PDE1C: variants seen among roughly 807,000 people sequenced by gnomAD.
PDE1C encodes the protein dual specificity calcium/calmodulin-dependent 3',5'-cyclic nucleotide phosphodiesterase 1C.
A neutral mutation model predicts 93.1 loss-of-function variants in PDE1C; 62 were observed. That is an observed-to-expected ratio of 0.67 (90% CI 0.54 to 0.82). The LOEUF is 0.82. Ranked by LOEUF, PDE1C falls within the 40% of genes least tolerant of loss-of-function variation. PDE1C has a pLI of 0.00. For missense variants in PDE1C, 742 were observed against 884.6 expected (o/e 0.84, Z 2.04); for synonymous variants, 325 against 310.1 (o/e 1.05, Z -0.50).
At chr7:32,251,260 CAGCCCAGG>C (rs72360042) in intron 1 of PDE1C, among the ~76,000 whole-genome samples, 19,473 of 152,116 alleles carry the variant, frequency 0.13, 1,376 homozygotes, top group East Asian at 0.3. Flanking sequence ...CTGAATCCGG[CAGCCCAGG>C]ACTAGGCCCG....
intron 1 of PDE1C, among the ~76,000 whole-genome samples, chr7:32,372,060 T>G (rs934893480): frequency 6.8e-6 from 1 of 147,386 alleles, no homozygotes; most frequent in Admixed American, 7.3e-5. Context: ...TGATTTTTTT[T>G]TTTTTTTTTT....
At chr7:32,249,310 C>T (rs909121749) in intron 1 of PDE1C, among the ~76,000 whole-genome samples, 5 of 151,788 alleles carry the variant, frequency 3.3e-5, no homozygotes, top group African/African-American at 1.2e-4. Context: ...GGGAGAACTA[C>T]TTGGTGGTGT....
intron 2 of PDE1C, among the ~76,000 whole-genome samples, chr7:31,988,675 C>T (rs1282418026): frequency 6.6e-6 from 1 of 152,080 alleles, no homozygotes; most frequent in Non-Finnish European, 1.5e-5. Flanking sequence ...CTGGGGACAA[C>T]AGAGTGAGAC....
At chr7:32,259,775 TA>T (rs1810068462) in intron 1 of PDE1C, among the ~76,000 whole-genome samples, 1 of 152,040 alleles carries the variant, frequency 6.6e-6, no homozygotes, top group African/African-American at 2.4e-5. Context: ...TAGTCTGGAG[TA>T]AGAGAACACT....
chr7:32,022,923 A>T (rs1484337271), intron 2 of PDE1C, among the ~76,000 whole-genome samples: 5 of 151,860 alleles, frequency 3.3e-5, no homozygotes, highest in African/African-American at 9.7e-5. Flanking sequence ...CCAACACAAT[A>T]ATCCATCCAG....
At chr7:31,869,271 A>G (rs1246736320) in intron 6 of PDE1C, among the ~76,000 whole-genome samples, 1 of 152,138 alleles carries the variant, frequency 6.6e-6, no homozygotes, top group Non-Finnish European at 1.5e-5. Flanking sequence ...TCACATATCA[A>G]TAGCAACCTT....
At chr7:31,918,953 C>T (rs549581311) in intron 2 of PDE1C, among the ~76,000 whole-genome samples, 1 of 152,288 alleles carries the variant, frequency 6.6e-6, no homozygotes, top group Non-Finnish European at 1.5e-5. Context: ...AATGGCATTG[C>T]TTTTCTTCTT....
intron 2 of PDE1C, among the ~76,000 whole-genome samples, chr7:32,035,656 G>T (rs1178896675): frequency 6.6e-6 from 1 of 152,140 alleles, no homozygotes; most frequent in African/African-American, 2.4e-5. Context: ...TTCCTTGCGG[G>T]GGTAAAGAGC....
chr7:31,821,622 G>T (rs897481665), intron 14 of PDE1C, among the ~76,000 whole-genome samples: 1 of 152,088 alleles, frequency 6.6e-6, no homozygotes, highest in African/African-American at 2.4e-5. Flanking sequence ...AATATGGAAG[G>T]TGTTGGCTCC....
chr7:31,650,084 G>A, the PDE1C span, among the ~76,000 whole-genome samples: 2 of 152,182 alleles, frequency 1.3e-5, no homozygotes, highest in Non-Finnish European at 2.9e-5. Context: ...TGCCCTCCTA[G>A]AGACCGGGGA....
intron 3 of PDE1C, among the ~76,000 whole-genome samples, chr7:32,081,636 T>C (rs1796667856): frequency 6.6e-6 from 1 of 152,212 alleles, no homozygotes; most frequent in African/African-American, 2.4e-5. Flanking sequence ...TTTGACCACT[T>C]TTTCTCTTCA....
intron 3 of PDE1C, among the ~76,000 whole-genome samples, chr7:32,088,530 G>T (rs1014333613): frequency 6.6e-6 from 1 of 152,248 alleles, no homozygotes; most frequent in South Asian, 2.1e-4. Flanking sequence ...TGGTGAGGAG[G>T]CCCCATTTGG....
intron 3 of PDE1C, among the ~76,000 whole-genome samples, chr7:32,107,419 A>C (rs1798385758): frequency 6.6e-6 from 1 of 152,196 alleles, no homozygotes; most frequent in African/African-American, 2.4e-5. Context: ...CTACAGTGGA[A>C]CAAGGATAAG....
At chr7:31,786,897 C>T (rs560910975) in intron 16 of PDE1C, 6 of 4,476 alleles carry the variant, frequency 1.3e-3, no homozygotes, top group African/African-American at 1.6e-3. Context: ...ATTATATTAT[C>T]TATCTATCTA....
chr7:31,912,052 T>A (rs1427664074), intron 2 of PDE1C, among the ~76,000 whole-genome samples: 1 of 152,136 alleles, frequency 6.6e-6, no homozygotes, highest in African/African-American at 2.4e-5. Flanking sequence ...AATCATAAGT[T>A]AAATCCATTG....
At chr7:32,161,027 T>C (rs1326221360) in intron 3 of PDE1C, among the ~76,000 whole-genome samples, 1 of 152,204 alleles carries the variant, frequency 6.6e-6, no homozygotes, top group Non-Finnish European at 1.5e-5. Flanking sequence ...ACTGAATTTA[T>C]ACTTTCAGCT....
chr7:32,102,380 G>C (rs1798083767), intron 3 of PDE1C, among the ~76,000 whole-genome samples: 1 of 152,148 alleles, frequency 6.6e-6, no homozygotes, highest in Non-Finnish European at 1.5e-5. Context: ...TGGCATATTT[G>C]GGTTCAAATC....
At chr7:31,995,172 T>C (rs1784569006) in intron 2 of PDE1C, among the ~76,000 whole-genome samples, 1 of 152,210 alleles carries the variant, frequency 6.6e-6, no homozygotes, top group South Asian at 2.1e-4. Flanking sequence ...AGTTTTTTGT[T>C]TCCCCTGAGT....
At chr7:31,693,819 G>A in the PDE1C span, among the ~76,000 whole-genome samples, 1 of 152,154 alleles carries the variant, frequency 6.6e-6, no homozygotes, top group Non-Finnish European at 1.5e-5. Flanking sequence ...AAATAAGAAA[G>A]AGAGAAGGAA....
Sources: allele counts gnomAD v4.1 joint callset (sites outside exome capture counted in the v4.1 genomes callset), GRCh38; gene constraint gnomAD v4.1.1; transcripts MANE v1.5; gene names NCBI Gene and HGNC (gene_info 2026-07-23, HGNC 2026-07-21).